NBPF3: variants seen among roughly 807,000 people sequenced by gnomAD.
NBPF3 encodes the protein NBPF family member NBPF3.
In NBPF3, 57 loss-of-function variants were observed where a neutral mutation model predicts 78.1. The observed-to-expected ratio is 0.73, with a 90% confidence interval of 0.59 to 0.91. The LOEUF is 0.91. NBPF3 is among the 40% of genes least tolerant of loss of function. The probability of loss-of-function intolerance (pLI) is 0.00; values close to 1 mark genes in which losing one functional copy is unlikely to be tolerated. For missense variants in NBPF3, 510 were observed against 715.3 expected, an observed-to-expected ratio of 0.71 and a Z score of 3.27; for synonymous variants, 182 against 271.7, an observed-to-expected ratio of 0.67 and a Z score of 3.25.
chr1:21,468,672 G>T lies in NBPF3; in HGVS notation c.134-16G>T, dbSNP rs1342920580. On this transcript the variant is annotated splice_polypyrimidine_tract_variant and intron_variant, in intron 2 of 14. Coordinates refer to ENST00000318249, the MANE Select transcript of NBPF3 (RefSeq NM_032264.6). ...CAGTTTTTAACCCATCGTGTGTTTG[G>T]GTGTCTTCTCCCCAGTCCCTGGCCC... The T allele has an allele frequency of 6.2e-7, 1 of 1,612,624 alleles. No homozygotes were observed. The highest frequency in any genetic ancestry group is 8.5e-7 in the Non-Finnish European group (1 of 1,179,232).
In NBPF3 at chr1:21,479,287, A is replaced by G. The variant is rs140819577; in HGVS notation, c.1157-62A>G. On this transcript the variant is annotated intron_variant, in intron 9 of 14. Transcript: ENST00000318249. The stretch of plus-strand genomic sequence containing the variant: ...CCCTGTGTTAGGATTGGACAGAGGA[A>G]TGTTTCCGTGTGCAAGGAAGAACTG... 3.2e-3 allele frequency: 4,835 copies of G among 1,524,538 alleles called. 17 individuals are homozygous for G. The highest frequency in any genetic ancestry group is 5.4e-3 in the Admixed American group (322 of 59,464). The allele number at this position is 1,524,538 out of a possible 1,614,324, so 94.4% of individuals were successfully genotyped here.
upstream of NBPF3, chr1:21,440,095 CT>C (rs1640527868): frequency 6.6e-6 from 1 of 151,382 alleles, no homozygotes; most frequent in Non-Finnish European, 1.5e-5. Flanking sequence ...CATCCGGACC[CT>C]GAGGAGCCAG....
chr1:21,479,355 G>T lies in NBPF3; in HGVS notation c.1163G>T (p.Trp388Leu). 6.2e-7 allele frequency: 1 copy of T among 1,611,198 alleles called. No homozygotes were observed. Among genetic ancestry groups the T allele is most frequent in the Admixed American group, 1.7e-5 (1 of 59,978 alleles). Residue 388 changes from tryptophan (W) to leucine (L), a missense_variant, in exon 10 of 15, where the codon TGG becomes TTG. Transcript: ENST00000318249. ...TGTCTGAATTTATTTGCAGGACATT[G>T]GTGTGATCAAGTGAAAAAGGAGGAC... ...VGLALDIGRH[W>L]CDQVKKEDQE... is the part of the protein sequence containing the mutation.
At chr1:21,443,553 G>T (rs1257079426) in intron 1 of NBPF3, among the ~76,000 whole-genome samples, 2 of 152,108 alleles carry the variant, frequency 1.3e-5, no homozygotes, top group East Asian at 3.8e-4. Flanking sequence ...CATTTAAAGG[G>T]CTCACGTGAT....
upstream of NBPF3, among the ~76,000 whole-genome samples, chr1:21,439,325 C>T (rs1387838681): frequency 1.3e-5 from 2 of 152,026 alleles, no homozygotes; most frequent in African/African-American, 4.8e-5. Context: ...CCCGTCTCTA[C>T]TAAAAATACA....
At chr1:21,438,300 A>T (rs1028966730), upstream of NBPF3, among the ~76,000 whole-genome samples, 9 of 149,866 alleles carry the variant, frequency 6.0e-5, no homozygotes, top group African/African-American at 2.2e-4. Context: ...TTTAGTAGAG[A>T]CGGGGGTTTC....
chr1:21,464,954 C>G (rs1642171002), intron 2 of NBPF3, among the ~76,000 whole-genome samples: 1 of 142,128 alleles, frequency 7.0e-6, no homozygotes, highest in Middle Eastern at 3.6e-3. Flanking sequence ...TTGCCGTGAT[C>G]TATAATCACC....
In NBPF3 at chr1:21,444,989, C is replaced by G. The variant is rs1467794079; in HGVS notation, c.-98C>G. 4 of 1,374,020 alleles carry G rather than the reference C, an allele frequency of 2.9e-6. No homozygotes were observed. Among genetic ancestry groups the G allele is most frequent in the Admixed American group, 2.3e-5 (1 of 43,596 alleles). 85.1% of individuals were successfully genotyped at this position (1,374,020 alleles called of 1,614,324 possible). A position where few individuals can be genotyped will look rare whatever the true frequency, so the allele number is the denominator to read the frequency against. ...TCCTGTTTAGACCCAGGCGAAGGTTCCTGGTGACCCAGGCTCTCACCAGCC... is the reference window on the plus strand; with the variant it reads ...TCCTGTTTAGACCCAGGCGAAGGTTGCTGGTGACCCAGGCTCTCACCAGCC... On this transcript the variant is annotated 5_prime_UTR_variant, in exon 2 of 15. Coordinates refer to ENST00000318249, the MANE Select transcript of NBPF3 (RefSeq NM_032264.6).
rs754900893 is a variant in NBPF3, at chr1:21,471,592, C to T, written c.470C>T (p.Ser157Phe). The change falls in exon 5 of 15, where the codon TCT (serine) becomes TTT (phenylalanine). Residue 157 changes from serine (S) to phenylalanine (F), a missense_variant. By Grantham distance (155) the Ser-to-Phe change is radical. Coordinates refer to ENST00000318249, the MANE Select transcript of NBPF3 (RefSeq NM_032264.6). Reference sequence around the variant, plus strand: ...AGGCAATATAAAGTCCTGGTTCACTCTCAGGAACGAGAGCTGACCCAGTTA... The same window carrying T: ...AGGCAATATAAAGTCCTGGTTCACTTTCAGGAACGAGAGCTGACCCAGTTA... ...ELRQYKVLVH[S>F]QERELTQLRE... 8.1e-6 allele frequency: 13 copies of T among 1,612,054 alleles called. No homozygotes were observed. In the African/African-American group the frequency reaches 1.3e-4, roughly 17 times the overall value.
In NBPF3 at chr1:21,468,780, A is replaced by G; in HGVS notation, c.226A>G (p.Ile76Val). The change falls in exon 3 of 15, where the codon ATC (isoleucine) becomes GTC (valine). Residue 76 changes from isoleucine (I) to valine (V), a missense_variant. Ile to Val is a conservative substitution (Grantham distance 29, BLOSUM62 3). Coordinates refer to ENST00000318249, the MANE Select transcript of NBPF3 (RefSeq NM_032264.6). Reference protein sequence around the residue: ...GEKAEMNILEINKKSRPQLAE... With the variant: ...GEKAEMNILEVNKKSRPQLAE... ...GAAGGCAGAGATGAACATTCTAGAA[A>G]TCAACAAGAAATCGCGCCCCCAGCT... The G allele has an allele frequency of 6.2e-7, 1 of 1,614,030 alleles. No individual in the cohort carries two copies. The highest frequency in any genetic ancestry group is 8.5e-7 in the Non-Finnish European group (1 of 1,179,912).
At chr1:21,464,360 T>C (rs1451876473) in intron 2 of NBPF3, among the ~76,000 whole-genome samples, 1 of 151,904 alleles carries the variant, frequency 6.6e-6, no homozygotes, top group Non-Finnish European at 1.5e-5. Flanking sequence ...AGATAGAAAA[T>C]ACCACACTTT....
At chr1:21,467,279 C>T (rs1186349147) in intron 2 of NBPF3, 46 of 985,288 alleles carry the variant, frequency 4.7e-5, no homozygotes, top group Non-Finnish European at 5.3e-5. Flanking sequence ...CTGGGCAGCC[C>T]AGGATCACAC....
At position 21,472,805 on chromosome 1, in the gene NBPF3, A is replaced by T. The variant is rs1347453965; in HGVS notation, c.662-38A>T. 6 of 1,463,554 alleles carry T rather than the reference A, an allele frequency of 4.1e-6. No individual in the cohort carries two copies. In the Admixed American group the frequency reaches 1.0e-4, roughly 24 times the overall value. The allele number at this position is 1,463,554 out of a possible 1,614,324, so 90.7% of individuals were successfully genotyped here. A position where few individuals can be genotyped will look rare whatever the true frequency, so the allele number is the denominator to read the frequency against. Reference sequence around the variant, plus strand: ...GGCTGACTGTGCTTGCAGAGTGTGAATTGGGAAATATCTGAATGAACACTT... The same window carrying T: ...GGCTGACTGTGCTTGCAGAGTGTGATTTGGGAAATATCTGAATGAACACTT... On this transcript the variant is annotated intron_variant, in intron 5 of 14. Coordinates refer to ENST00000318249, the MANE Select transcript of NBPF3 (RefSeq NM_032264.6).
chr1:21,445,900 C>T (rs1192526394), intron 2 of NBPF3: 3 of 152,266 alleles, frequency 2.0e-5, no homozygotes, highest in African/African-American at 7.2e-5. Flanking sequence ...AGGTACCAGG[C>T]CCTGCTCTGG....
chr1:21,466,985 T>A, intron 2 of NBPF3: 2 of 983,998 alleles, frequency 2.0e-6, no homozygotes, highest in South Asian at 9.4e-5. Flanking sequence ...TGTGATTGCT[T>A]TTATTGGCAG....
At chr1:21,437,376 T>TGA, upstream of NBPF3, 1 of 721,290 alleles carries the variant, frequency 1.4e-6, no homozygotes, top group Non-Finnish European at 2.1e-6. Flanking sequence ...CAGAGGGTGG[T>TGA]GAGAGCACAT....
chr1:21,454,311 G>A (rs1641474661), intron 2 of NBPF3: 1 of 152,148 alleles, frequency 6.6e-6, no homozygotes, highest in Admixed American at 6.5e-5. Flanking sequence ...ACTCCCATGA[G>A]TCTATCTTTT....
rs12239254 is a variant in NBPF3, at chr1:21,470,799, G to A, written c.446+65G>A. ...GTAAATATCTGAAGTACAGCAGCTCGGCAGGGAGAACTAAGAGCTGAACTG... is the reference window on the plus strand; with the variant it reads ...GTAAATATCTGAAGTACAGCAGCTCAGCAGGGAGAACTAAGAGCTGAACTG... On this transcript the variant is annotated intron_variant, in intron 4 of 14. Transcript: ENST00000318249. 1.6e-3 allele frequency: 1,782 copies of A among 1,106,180 alleles called. 16 individuals carry two copies. The African/African-American group carries it at 0.022, about 14-fold the overall frequency. The allele number at this position is 1,106,180 out of a possible 1,614,324, so 68.5% of individuals were successfully genotyped here.
rs1031912424 is a variant in NBPF3, at chr1:21,471,868, A to G, written c.661+85A>G. On this transcript the variant is annotated intron_variant, in intron 5 of 14. Transcript: ENST00000318249. ...TCCATACTTTCACAATGACATTTGTATCGGTGGTGTTTTTTCCCACTAAAC... is the reference window on the plus strand; with the variant it reads ...TCCATACTTTCACAATGACATTTGTGTCGGTGGTGTTTTTTCCCACTAAAC... 12 of 1,549,232 alleles carry G rather than the reference A, an allele frequency of 7.7e-6. 1 individual carries two copies. The highest frequency in any genetic ancestry group is 9.8e-6 in the Non-Finnish European group (11 of 1,125,572).
Sources: allele counts gnomAD v4.1 joint callset (sites outside exome capture counted in the v4.1 genomes callset), GRCh38; gene constraint gnomAD v4.1.1; transcripts MANE v1.5; gene names NCBI Gene and HGNC (gene_info 2026-07-23, HGNC 2026-07-21).